The following RBFOX1 variants were observed in gnomAD, a reference collection of about 807,000 sequenced individuals.
RBFOX1 encodes RNA binding protein fox-1 homolog 1.
RBFOX1 carries 8 observed loss-of-function variants against 57.7 expected under a neutral mutation model. The ratio of observed to expected loss-of-function variants is 0.14; its 90% confidence interval spans 0.08 to 0.25. The LOEUF is 0.25. Ranked by LOEUF, RBFOX1 falls within the 10% of genes least tolerant of loss-of-function variation. The pLI, the probability that RBFOX1 is intolerant of heterozygous loss-of-function variation, is 1.00. For synonymous variants in RBFOX1, 326 were observed against 222.4 expected (o/e 1.47, Z -4.15); for missense variants, 611 against 548.5 (o/e 1.11, Z -1.14).
intron 1 of RBFOX1, among the ~76,000 whole-genome samples, chr16:5,279,692 G>C (rs749445697): frequency 6.6e-6 from 1 of 152,092 alleles, no homozygotes; most frequent in Non-Finnish European, 1.5e-5. Flanking sequence ...AGTAGAGACA[G>C]GGTTTCACCA....
chr16:7,436,964 C>T (rs1281337736), intron 4 of RBFOX1, among the ~76,000 whole-genome samples: 2 of 152,040 alleles, frequency 1.3e-5, no homozygotes, highest in Non-Finnish European at 2.9e-5. Flanking sequence ...GCCTGTAATC[C>T]GAGCTACTCA....
At position 6,273,259 on chromosome 16, in the gene RBFOX1, A is replaced by T. The variant is rs916056571; in HGVS notation, c.-126-43736A>T. On this transcript the variant is annotated intron_variant, in intron 1 of 15. Coordinates refer to ENST00000550418, the MANE Select transcript of RBFOX1 (RefSeq NM_018723.4). ...GGGCAGCAGAGTGAGACTCTGTTTT[A>T]AAAAAAAACAAAACAAACCAAAGCA... is the stretch of plus-strand genomic sequence containing the variant. Among the ~76,000 whole-genome samples the T allele has an allele frequency of 9.3e-5, 14 of 149,844 alleles. 1 individual carries two copies. The highest frequency in any genetic ancestry group is 5.9e-4 in the East Asian group (3 of 5,098).
chr16:5,392,115 C>A (rs1288701525), intron 1 of RBFOX1, among the ~76,000 whole-genome samples: 1 of 151,816 alleles, frequency 6.6e-6, no homozygotes, highest in Non-Finnish European at 1.5e-5. Flanking sequence ...ATACAATGGA[C>A]TTTGGGGACT....
rs144733385 is a variant in RBFOX1, at chr16:5,728,430, T to C, written c.318+129469T>C. The stretch of plus-strand genomic sequence containing the variant: ...GGAAGCATTTGCATATTTGAAGGGA[T>C]TGATGGACAGGTTAGCTCAAGGGAA... On this transcript the variant is annotated intron_variant, in intron 3 of 19. Transcript: ENST00000641259. 4.6e-3 allele frequency among the ~76,000 whole-genome samples: 704 copies of C among 152,288 alleles called. 12 individuals are homozygous for C. Among genetic ancestry groups the C allele is most frequent in the Non-Finnish European group, 2.3e-3 (157 of 68,022 alleles).
chr16:5,352,493 T>A (rs1410070898), intron 1 of RBFOX1, among the ~76,000 whole-genome samples: 1 of 152,216 alleles, frequency 6.6e-6, no homozygotes, highest in Non-Finnish European at 1.5e-5. Flanking sequence ...CTCTGTCTCT[T>A]TATGCACACA....
chr16:5,465,406 T>C (rs1454326482), intron 1 of RBFOX1, among the ~76,000 whole-genome samples: 1 of 152,172 alleles, frequency 6.6e-6, no homozygotes, highest in Admixed American at 6.5e-5. Context: ...GCAAGTCAAT[T>C]ACGTTCAGAA....
At chr16:7,497,646 G>T (rs1446437480) in intron 4 of RBFOX1, among the ~76,000 whole-genome samples, 1 of 152,206 alleles carries the variant, frequency 6.6e-6, no homozygotes, top group Non-Finnish European at 1.5e-5. Context: ...GGTACCTCTA[G>T]TGCATTTCTA....
Position 6,808,178 on chromosome 16 carries a change from G to GTGTA in RBFOX1, c.-16+153529_-16+153530insGTAT, listed in dbSNP as rs1318609964. Among the ~76,000 whole-genome samples, 644 of 145,546 alleles carry GTGTA rather than the reference G, an allele frequency of 4.4e-3. 1 individual carries two copies. Among genetic ancestry groups the GTGTA allele is most frequent in the African/African-American group, 0.015 (567 of 38,394 alleles). ...CTTATATATGTGTGTGTGTGTGTGTGTATATATATATATATATATATAGTT... is the reference window on the plus strand; with the variant it reads ...CTTATATATGTGTGTGTGTGTGTGTGTGTATATATATATATATATATATATAGTT... On this transcript the variant is annotated intron_variant, in intron 3 of 15. Transcript: ENST00000550418.
At chr16:6,469,416 C>G (rs2095124025) in intron 2 of RBFOX1, among the ~76,000 whole-genome samples, 1 of 152,180 alleles carries the variant, frequency 6.6e-6, no homozygotes, top group African/African-American at 2.4e-5. Flanking sequence ...CAAGTTTTCT[C>G]CAGGTCTGAG....
chr16:5,479,767 C>T (rs1034687998), intron 2 of RBFOX1, among the ~76,000 whole-genome samples: 22 of 151,600 alleles, frequency 1.5e-4, no homozygotes, highest in South Asian at 4.2e-4. Flanking sequence ...CCTCACCCCC[C>T]GCAAAAAAAG....
chr16:5,277,110 A>G (rs1473344156), intron 1 of RBFOX1, among the ~76,000 whole-genome samples: 1 of 152,214 alleles, frequency 6.6e-6, no homozygotes, highest in Non-Finnish European at 1.5e-5. Flanking sequence ...TATATACCAT[A>G]GAATACTACT....
At chr16:7,634,374 G>A (rs945186925) in intron 11 of RBFOX1, among the ~76,000 whole-genome samples, 2 of 148,414 alleles carry the variant, frequency 1.3e-5, no homozygotes, top group African/African-American at 5.1e-5. Context: ...ATCTTTAACT[G>A]GCCTTTGATG....
At chr16:6,524,256 T>A (rs1242092262) in intron 2 of RBFOX1, among the ~76,000 whole-genome samples, 1 of 152,196 alleles carries the variant, frequency 6.6e-6, no homozygotes, top group Non-Finnish European at 1.5e-5. Context: ...TGTGACTTTC[T>A]GTGCCTGACT....
intron 1 of RBFOX1, among the ~76,000 whole-genome samples, chr16:5,383,588 A>T (rs2151397059): frequency 6.6e-6 from 1 of 152,376 alleles, no homozygotes; most frequent in African/African-American, 2.4e-5. Context: ...AAATGGGGGT[A>T]GGAATGCATA....
intron 1 of RBFOX1, among the ~76,000 whole-genome samples, chr16:5,252,100 G>C (rs1409741908): frequency 1.3e-5 from 2 of 152,164 alleles, no homozygotes; most frequent in African/African-American, 2.4e-5. Context: ...GCTTAGACCT[G>C]GATGCCAGGT....
At chr16:6,779,498 T>C (rs2079972903) in intron 3 of RBFOX1, among the ~76,000 whole-genome samples, 2 of 151,480 alleles carry the variant, frequency 1.3e-5, no homozygotes, top group South Asian at 4.1e-4. Flanking sequence ...ATATCTCTTC[T>C]ATACACTAAC....
At chr16:5,736,180 C>A (rs1021584718) in intron 3 of RBFOX1, among the ~76,000 whole-genome samples, 11 of 152,216 alleles carry the variant, frequency 7.2e-5, no homozygotes, top group South Asian at 2.1e-4. Flanking sequence ...TTGCCACAAG[C>A]CTGCCACCTG....
chr16:6,326,397 C>A (rs183277197), intron 2 of RBFOX1, among the ~76,000 whole-genome samples: 1 of 152,190 alleles, frequency 6.6e-6, no homozygotes, highest in African/African-American at 2.4e-5. Flanking sequence ...CTAGCCAATA[C>A]CAGGGAGGGC....
At chr16:6,944,677 G>T (rs951939366) in intron 3 of RBFOX1, among the ~76,000 whole-genome samples, 2 of 152,124 alleles carry the variant, frequency 1.3e-5, no homozygotes, top group Non-Finnish European at 2.9e-5. Context: ...GCAGGAACCT[G>T]GGCTGATTTC....
Sources: allele counts gnomAD v4.1 joint callset (sites outside exome capture counted in the v4.1 genomes callset), GRCh38; gene constraint gnomAD v4.1.1; transcripts MANE v1.5; gene names NCBI Gene and HGNC (gene_info 2026-07-23, HGNC 2026-07-21).